The following MORC4 variants were observed in gnomAD, a reference collection of about 807,000 sequenced individuals.
MORC4 encodes the protein MORC family CW-type zinc finger protein 4.
MORC4 carries 22 observed loss-of-function variants against 65.5 expected under a neutral mutation model. The observed-to-expected ratio is 0.34, with a 90% CI of 0.24 to 0.48. MORC4 has a LOEUF of 0.48. MORC4 is among the 20% of genes least tolerant of loss of function. MORC4 has a pLI of 0.99. For missense variants in MORC4, 624 were observed against 703.0 expected (o/e 0.89, Z 1.27); for synonymous variants, 267 against 255.8 (o/e 1.04, Z -0.42).
At chrX:106,966,492 G>A (rs779516260) in intron 9 of MORC4, among the ~76,000 whole-genome samples, 18 of 112,748 alleles carry the variant, frequency 1.6e-4, no homozygotes, top group Non-Finnish European at 3.0e-4. Flanking sequence ...ATCACCTCAC[G>A]GGGAAACGCA....
At position 106,976,616 on chromosome X, in the gene MORC4, G is replaced by A; in HGVS notation, c.1125C>T (p.Asn375=). ...CCTTGGTATACTCAAAGTCTTGTTT[G>A]TTGTAGGCAGGTTTTAGGAAATTGC... The part of the protein sequence containing the change: ...IECNFLKPAY[N]KQDFEYTKEY... The change falls in exon 9 of 17, where the codon AAC becomes AAT. Residue 375 remains asparagine, a synonymous_variant. Coordinates refer to ENST00000355610, the MANE Select transcript of MORC4 (RefSeq NM_024657.5). 1.7e-6 allele frequency: 2 copies of A among 1,207,534 alleles called. No homozygotes were observed. The highest frequency in any genetic ancestry group is 2.2e-6 in the Non-Finnish European group (2 of 892,088).
intron 2 of MORC4, among the ~76,000 whole-genome samples, chrX:106,998,283 G>T (rs931400655): frequency 1.9e-4 from 21 of 112,225 alleles, no homozygotes; most frequent in African/African-American, 6.5e-4. Context: ...ATGCATGTGT[G>T]TGCATAATAC....
chrX:106,965,561 G>A (rs941574618), intron 9 of MORC4, among the ~76,000 whole-genome samples: 10 of 111,764 alleles, frequency 8.9e-5, no homozygotes, highest in East Asian at 5.6e-4. Flanking sequence ...AGAATGTAGC[G>A]GATGCTACCT....
intron 3 of MORC4, among the ~76,000 whole-genome samples, chrX:106,992,246 G>A (rs933726445): frequency 3.6e-5 from 4 of 112,239 alleles, no homozygotes; most frequent in Non-Finnish European, 7.5e-5. Flanking sequence ...ATGAATCAAA[G>A]GGATTTCCCT....
intron 5 of MORC4, among the ~76,000 whole-genome samples, chrX:106,983,865 C>A (rs1466235308): frequency 9.0e-6 from 1 of 110,853 alleles, no homozygotes; most frequent in Admixed American, 9.6e-5. Context: ...TACTTCTAAC[C>A]CAGCTACTGT....
intron 5 of MORC4, among the ~76,000 whole-genome samples, chrX:106,984,043 T>C (rs1454493725): frequency 9.0e-6 from 1 of 111,612 alleles, no homozygotes. Flanking sequence ...ATGCCAGTAA[T>C]AGAGGCTGGG....
At chrX:106,963,704 T>C (rs1023892070) in intron 9 of MORC4, among the ~76,000 whole-genome samples, 1 of 111,187 alleles carries the variant, frequency 9.0e-6, no homozygotes, top group Non-Finnish European at 1.9e-5. Flanking sequence ...TTTCCCCCTT[T>C]TGTGAGCCAG....
chrX:106,943,576 A>AATAAAAAGGCC (rs1208690589), intron 14 of MORC4, among the ~76,000 whole-genome samples: 4 of 112,422 alleles, frequency 3.6e-5, no homozygotes, highest in African/African-American at 1.3e-4. Flanking sequence ...ACAAGAATGG[A>AATAAAAAGGCC]ATAAAAAGGC....
rs543668350 is a variant in MORC4 at position 106,958,529 on chromosome X, A to G, written c.1257-65T>C. The G allele has an allele frequency of 1.4e-5, 14 of 988,662 alleles. No homozygotes were observed. The East Asian group carries it at 3.1e-4, about 22-fold the overall frequency. 81.5% of individuals were successfully genotyped at this position (988,662 alleles called of 1,213,427 possible). A position where few individuals can be genotyped will look rare whatever the true frequency, so the allele number is the denominator to read the frequency against. On this transcript the variant is annotated intron_variant, in intron 10 of 16. Coordinates refer to ENST00000355610, the MANE Select transcript of MORC4 (RefSeq NM_024657.5). ...AGCTCTGTGCTTTGTCTTACATTAG[A>G]AAGGTGCAGCCAAAAAAAGAAAGAA... is the stretch of plus-strand genomic sequence containing the variant.
chrX:106,995,100 T>C (rs904728970), intron 2 of MORC4, among the ~76,000 whole-genome samples: 1 of 111,666 alleles, frequency 9.0e-6, no homozygotes, highest in Non-Finnish European at 1.9e-5. Context: ...ATTTCTTTTA[T>C]CTTAGTTGTA....
intron 15 of MORC4, 84 bp downstream of exon 15, chrX:106,942,431 G>T: frequency 1.0e-6 from 1 of 963,236 alleles, no homozygotes; most frequent in Non-Finnish European, 1.4e-6. Context: ...AAAGGCCTCA[G>T]AACATTAAAT....
intron 14 of MORC4, among the ~76,000 whole-genome samples, chrX:106,948,343 A>AT (rs1933898775): frequency 9.0e-6 from 1 of 111,395 alleles, no homozygotes; most frequent in African/African-American, 3.3e-5. Flanking sequence ...CCTTTGTGCT[A>AT]TTTTTTGTCA....
At position 106,999,722 on chromosome X, in the gene MORC4, A is replaced by C; in HGVS notation, c.130T>G (p.Ser44Ala). 1 of 1,127,003 alleles carries C rather than the reference A, an allele frequency of 8.9e-7. No individual in the cohort carries two copies. The highest frequency in any genetic ancestry group is 1.2e-6 in the Non-Finnish European group (1 of 855,923). The allele number at this position is 1,127,003 out of a possible 1,213,427, so 92.9% of individuals were successfully genotyped here. ...CTGAAGGGTCGCGTGTGGCTGCTGG[A>C]GTTGCTCTGGAGGTAGCGGGGGCTC... ...TMSPRYLQSN[S>A]SSHTRPFSAI... The change falls in exon 2 of 17, where the codon TCC becomes GCC. Residue 44 changes from serine (S) to alanine (A), a missense_variant. Physicochemically the swap from Ser to Ala is moderately conservative, Grantham distance 99 (BLOSUM62 1). Coordinates refer to ENST00000355610, the MANE Select transcript of MORC4 (RefSeq NM_024657.5).
At chrX:106,963,318 G>A (rs142855658) in intron 9 of MORC4, among the ~76,000 whole-genome samples, 2,106 of 111,847 alleles carry the variant, frequency 0.019, 52 homozygotes, top group African/African-American at 0.065. Flanking sequence ...TGAAACTCTG[G>A]AGTCTATTGG....
chrX:106,941,397 AGAGAGAG>A lies in MORC4; in HGVS notation c.*75_*81del, dbSNP rs1933671946. ...GAGAGAGAGAGAGAGAGAGAGAGAG[AGAGAGAG>A]AGAGAGACGTGAGGGAGGGAGAGAA... On this transcript the variant is annotated 3_prime_UTR_variant, in exon 17 of 17. Transcript: ENST00000355610. 4 of 772,356 alleles carry A rather than the reference AGAGAGAG, an allele frequency of 5.2e-6. No homozygotes were observed. Among genetic ancestry groups the A allele is most frequent in the Non-Finnish European group, 5.5e-6 (3 of 540,626 alleles). 63.7% of individuals were successfully genotyped at this position (772,356 alleles called of 1,213,427 possible).
At chrX:106,993,513 C>A (rs1935019072) in intron 2 of MORC4, 151 bp from the exon 3 acceptor site, 1 of 493,783 alleles carries the variant, frequency 2.0e-6, no homozygotes, top group East Asian at 3.8e-5. Context: ...CGGTAGTGCA[C>A]TTACTAAATT....
chrX:106,952,980 TG>T (rs1934012764), intron 14 of MORC4, among the ~76,000 whole-genome samples: 1 of 112,326 alleles, frequency 8.9e-6, no homozygotes, highest in Non-Finnish European at 1.9e-5. Context: ...ACTGATCTTA[TG>T]TAACATATAT....
At position 106,999,690 on chromosome X, in the gene MORC4, G is replaced by A; in HGVS notation, c.162C>T (p.Ile54=). 8.8e-7 allele frequency: 1 copy of A among 1,132,999 alleles called. No homozygotes were observed. The highest frequency in any genetic ancestry group is 2.0e-5 in the South Asian group (1 of 49,356). The allele number at this position is 1,132,999 out of a possible 1,213,427, so 93.4% of individuals were successfully genotyped here. A position where few individuals can be genotyped will look rare whatever the true frequency, so the allele number is the denominator to read the frequency against. The stretch of plus-strand genomic sequence containing the variant: ...CTCGCCACTCACCTAGCAGCTCCGC[G>A]ATGGCACTGAAGGGTCGCGTGTGGC... ...SSSHTRPFSA[I]AELLDNAVDP... Residue 54 remains isoleucine (I), a synonymous_variant, in exon 2 of 17, where the codon ATC becomes ATT. Transcript: ENST00000355610.
rs1452728497 is a variant in MORC4, at chrX:107,000,034, C to A, written c.-65G>T. On this transcript the variant is annotated 5_prime_UTR_variant, in exon 1 of 17. Coordinates refer to ENST00000355610, the MANE Select transcript of MORC4 (RefSeq NM_024657.5). ...CCCTGGCCCGGCGGTCCGGGACTAG[C>A]CCTCGCTCACTTCCACTCGCAGCTG... 2.2e-6 allele frequency: 1 copy of A among 457,884 alleles called. No homozygotes were observed. The highest frequency in any genetic ancestry group is 2.9e-6 in the Non-Finnish European group (1 of 340,673). 37.7% of individuals were successfully genotyped at this position (457,884 alleles called of 1,213,427 possible).
Sources: gnomAD v4.1 joint callset for allele counts (sites outside exome capture counted in the v4.1 genomes callset) on GRCh38, gnomAD v4.1.1 for gene constraint, MANE v1.5 for transcripts, NCBI Gene and HGNC (gene_info 2026-07-23, HGNC 2026-07-21) for gene names.